Variants in LRRC8D observed in about 807,000 individuals in gnomAD.
LRRC8D encodes the protein leucine rich repeat containing 8 VRAC subunit D, also known as volume-regulated anion channel subunit LRRC8D.
LRRC8D carries 20 observed loss-of-function variants against 55.8 expected under a neutral mutation model. That is an observed-to-expected ratio of 0.36 (90% CI 0.25 to 0.52). LRRC8D has a LOEUF of 0.52. LRRC8D is among the 20% of genes least tolerant of loss of function. LRRC8D has a pLI of 0.93. For missense variants in LRRC8D, 651 were observed against 1,030.8 expected, an observed-to-expected ratio of 0.63 and a Z score of 5.05; for synonymous variants, 352 against 377.0, an observed-to-expected ratio of 0.93 and a Z score of 0.77.
intron 2 of LRRC8D, among the ~76,000 whole-genome samples, chr1:89,881,511 A>G (rs557968248): frequency 1.6e-3 from 241 of 152,318 alleles, no homozygotes; most frequent in Non-Finnish European, 2.8e-3. Context: ...AAACATGTTC[A>G]GCAGCCCAGG....
intron 2 of LRRC8D, among the ~76,000 whole-genome samples, chr1:89,849,435 T>C (rs1321431896): frequency 1.3e-5 from 2 of 151,858 alleles, no homozygotes; most frequent in Admixed American, 6.6e-5. Flanking sequence ...ATAATTTTAC[T>C]GGGAACTGCA....
intron 2 of LRRC8D, among the ~76,000 whole-genome samples, chr1:89,867,287 T>C (rs1275653052): frequency 6.6e-6 from 1 of 152,248 alleles, no homozygotes; most frequent in African/African-American, 2.4e-5. Flanking sequence ...GTAGTCACTT[T>C]TTGACTGGCT....
At chr1:89,848,094 T>C (rs1324104814) in intron 2 of LRRC8D, among the ~76,000 whole-genome samples, 1 of 152,252 alleles carries the variant, frequency 6.6e-6, no homozygotes, top group Non-Finnish European at 1.5e-5. Flanking sequence ...ATTAAAAGGA[T>C]GATGTGTTAA....
At chr1:89,906,797 A>G (rs773527478) in intron 2 of LRRC8D, among the ~76,000 whole-genome samples, 29 of 152,060 alleles carry the variant, frequency 1.9e-4, no homozygotes, top group South Asian at 6.2e-4. Flanking sequence ...ACAGAAGTGA[A>G]CGGTCACAGC....
Position 89,910,144 on chromosome 1 carries a change from C to T in LRRC8D, c.-2-22923C>T, listed in dbSNP as rs13375500. On this transcript the variant is annotated intron_variant, in intron 2 of 2. Coordinates refer to ENST00000337338, the MANE Select transcript of LRRC8D (RefSeq NM_001134479.2). ...CCTAAATTTAGTGAAGAGATTATAC[C>T]GAATATTTGGTCTGACTTTGTTAAC... Among the ~76,000 whole-genome samples the T allele has an allele frequency of 8.2e-3, 1,248 of 152,096 alleles. 14 individuals carry two copies. Among genetic ancestry groups the T allele is most frequent in the African/African-American group, 0.029 (1,191 of 41,484 alleles).
chr1:89,859,193 ATAG>A (rs1301352032), intron 2 of LRRC8D, among the ~76,000 whole-genome samples: 4 of 152,134 alleles, frequency 2.6e-5, no homozygotes, highest in African/African-American at 7.2e-5. Context: ...ACAAGTCATA[ATAG>A]TAGACTATTC....
intron 2 of LRRC8D, among the ~76,000 whole-genome samples, chr1:89,909,933 T>C (rs552768018): frequency 1.3e-5 from 2 of 152,168 alleles, no homozygotes; most frequent in East Asian, 3.9e-4. Flanking sequence ...ATCTTGGCTC[T>C]AATTTAAGTC....
Position 89,934,584 on chromosome 1 carries a change from C to T in LRRC8D, c.1516C>T (p.Pro506Ser). 1 of 1,614,176 alleles carries T rather than the reference C, an allele frequency of 6.2e-7. No individual in the cohort carries two copies. Among genetic ancestry groups the T allele is most frequent in the Non-Finnish European group, 8.5e-7 (1 of 1,180,040 alleles). ...KLELIPEAKIPAKISQMTNLQ... is the reference protein window; with the variant it reads ...KLELIPEAKISAKISQMTNLQ... ...TGAACTAATTCCAGAAGCTAAAATT[C>T]CTGCTAAGATTTCTCAAATGACTAA... Residue 506 changes from proline to serine, a missense_variant, in exon 3 of 3, where the codon CCT becomes TCT. Physicochemically the swap from Pro to Ser is moderately conservative, Grantham distance 74. This residue lies in a region of LRRC8D where 338 missense variants were observed against 479.4 expected (regional missense o/e 0.71). Coordinates refer to ENST00000337338, the MANE Select transcript of LRRC8D (RefSeq NM_001134479.2). This position sits in a 1 kb window ranked among gnomAD's most constrained non-coding sequence, Gnocchi z 5.9.
chr1:89,929,039 A>C (rs1663635964), intron 2 of LRRC8D, among the ~76,000 whole-genome samples: 1 of 152,242 alleles, frequency 6.6e-6, no homozygotes, highest in Admixed American at 6.5e-5. Flanking sequence ...TCTCAAAATC[A>C]TTTCATTGAT....
chr1:89,851,284 C>T (rs1412948974), intron 2 of LRRC8D, among the ~76,000 whole-genome samples: 2 of 152,172 alleles, frequency 1.3e-5, no homozygotes, highest in African/African-American at 4.8e-5. Flanking sequence ...TGGGTGAATA[C>T]TCTTGAAAGT....
chr1:89,888,590 C>T (rs190495045), intron 2 of LRRC8D, among the ~76,000 whole-genome samples: 2 of 152,294 alleles, frequency 1.3e-5, no homozygotes, highest in Non-Finnish European at 2.9e-5. Context: ...ATCTGGCATC[C>T]AGATCTTGGT....
At chr1:89,909,788 C>T (rs963210817) in intron 2 of LRRC8D, among the ~76,000 whole-genome samples, 1 of 151,398 alleles carries the variant, frequency 6.6e-6, no homozygotes, top group African/African-American at 2.4e-5. Context: ...ATGGCATGAA[C>T]CCAGGAGGCG....
At position 89,834,529 on chromosome 1, in the gene LRRC8D, G is replaced by A. The variant is rs540036463; in HGVS notation, c.-147-9109G>A. Among the ~76,000 whole-genome samples, 7 of 152,338 alleles carry A rather than the reference G, an allele frequency of 4.6e-5. No homozygotes were observed. The South Asian group carries it at 1.5e-3, about 32-fold the overall frequency. ...CAGGGAGAGCTAAACTTCGACCTAG[G>A]TCTCTTTCTCATCCACAATATGAAA... On this transcript the variant is annotated intron_variant, in intron 1 of 2. Coordinates refer to ENST00000337338, the MANE Select transcript of LRRC8D (RefSeq NM_001134479.2).
chr1:89,928,142 G>A (rs760015833), intron 2 of LRRC8D, among the ~76,000 whole-genome samples: 5 of 152,052 alleles, frequency 3.3e-5, no homozygotes, highest in Admixed American at 2.0e-4. Context: ...TGATCTCGCC[G>A]CACTGCAACC....
chr1:89,934,119 G>C lies in LRRC8D; in HGVS notation c.1051G>C (p.Val351Leu), dbSNP rs1663778347. ...AGTTGAGCATCTGATTGGTTATGAG[G>C]TATTTGAGTGCACCCACAATATGGC... is the stretch of plus-strand genomic sequence containing the variant. ...PKVEHLIGYE[V>L]FECTHNMAYM... The change falls in exon 3 of 3, where the codon GTA (valine) becomes CTA (leucine). Residue 351 changes from valine to leucine, a missense_variant. Val to Leu is a conservative substitution (Grantham distance 32, BLOSUM62 1). Coordinates refer to ENST00000337338, the MANE Select transcript of LRRC8D (RefSeq NM_001134479.2). The surrounding 1 kb of genome is among the most constrained non-coding windows in gnomAD (Gnocchi z 5.9). 6.2e-7 allele frequency: 1 copy of C among 1,614,010 alleles called. No homozygotes were observed. Among genetic ancestry groups the C allele is most frequent in the South Asian group, 1.1e-5 (1 of 91,078 alleles).
intron 2 of LRRC8D, chr1:89,929,956 TAGC>T (rs1663661785): frequency 6.6e-6 from 1 of 152,224 alleles, no homozygotes; most frequent in African/African-American, 2.4e-5. Flanking sequence ...ATTCTCATAG[TAGC>T]ATGAATCCTA....
At chr1:89,922,880 T>A (rs536315224) in intron 2 of LRRC8D, among the ~76,000 whole-genome samples, 1 of 152,366 alleles carries the variant, frequency 6.6e-6, no homozygotes, top group Admixed American at 6.5e-5. Context: ...AGATAAAATT[T>A]ACATACCATA....
chr1:89,872,091 A>G (rs2100825060), intron 2 of LRRC8D, among the ~76,000 whole-genome samples: 1 of 152,276 alleles, frequency 6.6e-6, no homozygotes, highest in South Asian at 2.1e-4. Flanking sequence ...TTGGGATATC[A>G]CTTTCCTGAG....
At chr1:89,864,829 A>G (rs1438360993) in intron 2 of LRRC8D, among the ~76,000 whole-genome samples, 2 of 151,988 alleles carry the variant, frequency 1.3e-5, no homozygotes, top group Non-Finnish European at 2.9e-5. Flanking sequence ...AGACACAAAA[A>G]ACTTCTTCCT....
Sources: gnomAD v4.1 joint callset for allele counts (sites outside exome capture counted in the v4.1 genomes callset) on GRCh38, gnomAD v4.1.1 for gene constraint, gnomAD v4.1.1 regional missense constraint, Gnocchi (gnomAD v3.1) non-coding constraint, MANE v1.5 for transcripts, NCBI Gene and HGNC (gene_info 2026-07-23, HGNC 2026-07-21) for gene names.